Variants in PPM1F observed in about 807,000 individuals in gnomAD.
PPM1F encodes protein phosphatase 1F.
Under a neutral mutation model 35.5 loss-of-function variants are expected in PPM1F, and 17 were observed. The ratio of observed to expected loss-of-function variants is 0.48; its 90% confidence interval spans 0.33 to 0.72. The LOEUF (loss-of-function observed/expected upper bound fraction) is 0.72. Among genes scored for constraint, PPM1F ranks in the 30% least tolerant of loss-of-function variants. PPM1F has a pLI of 0.02. For missense variants in PPM1F, 521 were observed against 613.0 expected, an observed-to-expected ratio of 0.85 and a Z score of 1.59; for synonymous variants, 241 against 255.5, an observed-to-expected ratio of 0.94 and a Z score of 0.54.
At chr22:21,949,268 G>T (rs569918163) in intron 1 of PPM1F, 1 of 152,344 alleles carries the variant, frequency 6.6e-6, no homozygotes, top group African/African-American at 2.4e-5. Flanking sequence ...TACTTGCTGG[G>T]GACCAAGCAC....
At chr22:21,930,112 G>A (rs2070571468) in intron 6 of PPM1F, among the ~76,000 whole-genome samples, 1 of 152,246 alleles carries the variant, frequency 6.6e-6, no homozygotes, top group Non-Finnish European at 1.5e-5. Context: ...ATGATCTTCA[G>A]CTTTTGAAAA....
At position 21,927,088 on chromosome 22, in the gene PPM1F, G is replaced by T. The variant is rs891713718; in HGVS notation, c.892-1426C>A. On this transcript the variant is annotated intron_variant, in intron 6 of 7. Transcript: ENST00000263212. ...GTGCTCCTGTCCCAGCTGAGGTGGA[G>T]AATCAAGCCATGAAGGGGGCAGGAA... 8.5e-5 allele frequency among the ~76,000 whole-genome samples: 13 copies of T among 152,216 alleles called. No homozygotes were observed. In the East Asian group the frequency reaches 1.5e-3, roughly 18 times the overall value.
chr22:21,933,893 G>C, intron 4 of PPM1F, 131 bp downstream of exon 4: 1 of 907,532 alleles, frequency 1.1e-6, no homozygotes, highest in South Asian at 1.8e-5. Context: ...CTCTTGCTGG[G>C]CAAGTACAGG....
intron 1 of PPM1F, 67 bp from the exon 2 acceptor site, chr22:21,946,175 GCAAGCACCATGTGGCAGGTGCATGGCCT>G: frequency 1.4e-6 from 1 of 721,600 alleles, no homozygotes; most frequent in Non-Finnish European, 2.2e-6. Flanking sequence ...GTGCCCACCT[GCAAGCACCATGTGGCAGGTGCATGGCCT>G]CATGGTTCAG....
Position 21,922,942 on chromosome 22 carries a change from G to T in PPM1F, c.*150C>A. 1 of 961,070 alleles carries T rather than the reference G, an allele frequency of 1.0e-6. No individual in the cohort carries two copies. Among genetic ancestry groups the T allele is most frequent in the Admixed American group, 3.0e-5 (1 of 32,998 alleles). The allele number at this position is 961,070 out of a possible 1,614,324, so 59.5% of individuals were successfully genotyped here. On this transcript the variant is annotated 3_prime_UTR_variant, in exon 8 of 8. Transcript: ENST00000263212. ...TTCCACAGCCACCAGGACGGGCTGCGGGGGGTGTCCCGACTGGCTCTGGGG... is the reference window on the plus strand; with the variant it reads ...TTCCACAGCCACCAGGACGGGCTGCTGGGGGTGTCCCGACTGGCTCTGGGG...
Position 21,946,002 on chromosome 22 carries a change from G to T in PPM1F, c.47C>A (p.Ala16Asp). 6.3e-7 allele frequency: 1 copy of T among 1,599,498 alleles called. No individual in the cohort carries two copies. Among genetic ancestry groups the T allele is most frequent in the South Asian group, 1.1e-5 (1 of 89,252 alleles). The change falls in exon 2 of 8, where the codon GCT (alanine) becomes GAT (aspartate). Residue 16 changes from alanine (A) to aspartate (D), a missense_variant. This residue lies in a region of PPM1F where 311 missense variants were observed against 351.5 expected (regional missense o/e 0.88). Coordinates refer to ENST00000263212, the MANE Select transcript of PPM1F (RefSeq NM_014634.4). ...PQKSSPMASGAEETPGFLDTL... is the reference protein window; with the variant it reads ...PQKSSPMASGDEETPGFLDTL... The stretch of plus-strand genomic sequence containing the variant: ...GTCCAGGAAGCCTGGGGTCTCCTCA[G>T]CTCCACTGGCCATTGGGCTGCTCTT...
chr22:21,951,196 G>C (rs2070833048), intron 1 of PPM1F: 1 of 152,028 alleles, frequency 6.6e-6, no homozygotes, highest in African/African-American at 2.4e-5. Flanking sequence ...GCCCACGATG[G>C]CCCTTTGTGT....
At chr22:21,927,533 A>G (rs911010959) in intron 6 of PPM1F, among the ~76,000 whole-genome samples, 2 of 152,212 alleles carry the variant, frequency 1.3e-5, no homozygotes, top group Non-Finnish European at 2.9e-5. Flanking sequence ...ATGAACGGCA[A>G]TCTGCTTCCC....
Position 21,922,999 on chromosome 22 carries a change from T to C in PPM1F, c.*93A>G, listed in dbSNP as rs967393034. The C allele has an allele frequency of 9.5e-6, 14 of 1,473,840 alleles. No homozygotes were observed. In the African/African-American group the frequency reaches 1.8e-4, roughly 19 times the overall value. The allele number at this position is 1,473,840 out of a possible 1,614,324, so 91.3% of individuals were successfully genotyped here. A position where few individuals can be genotyped will look rare whatever the true frequency, so the allele number is the denominator to read the frequency against. ...GGAAAGCACTGTGGGGCGGGCACCC[T>C]GTCCACTGCCTGCCACCTGTTGGGT... On this transcript the variant is annotated 3_prime_UTR_variant, in exon 8 of 8. Coordinates refer to ENST00000263212, the MANE Select transcript of PPM1F (RefSeq NM_014634.4).
intron 6 of PPM1F, among the ~76,000 whole-genome samples, chr22:21,926,659 G>A (rs752128965): frequency 5.9e-5 from 9 of 152,150 alleles, no homozygotes; most frequent in South Asian, 2.1e-4. Flanking sequence ...ACAGAGTGAC[G>A]GAGGCACCCT....
chr22:21,926,687 C>T (rs986545700), intron 6 of PPM1F, among the ~76,000 whole-genome samples: 2 of 152,156 alleles, frequency 1.3e-5, no homozygotes, highest in Non-Finnish European at 2.9e-5. Context: ...AGGCACCTCC[C>T]AAGTCTACTG....
At chr22:21,945,739 T>C in intron 2 of PPM1F, 104 bp downstream of exon 2, 1 of 1,208,900 alleles carries the variant, frequency 8.3e-7, no homozygotes, top group South Asian at 1.4e-5. Flanking sequence ...GGGCTGCAGA[T>C]CCCCGTGTGG....
intron 6 of PPM1F, chr22:21,926,150 T>TTTTTA (rs2070512721): frequency 6.5e-6 from 1 of 152,870 alleles, no homozygotes; most frequent in Non-Finnish European, 1.4e-5. Context: ...TTTTTTTTTT[T>TTTTTA]GAGACAGAGT....
chr22:21,932,897 T>A (rs1030517141), intron 5 of PPM1F: 3 of 152,514 alleles, frequency 2.0e-5, no homozygotes, highest in African/African-American at 7.2e-5. Flanking sequence ...CCAGGCCAGC[T>A]GATTCCTCGA....
intron 3 of PPM1F, chr22:21,938,134 C>G: frequency 7.7e-7 from 1 of 1,301,962 alleles, no homozygotes; most frequent in Non-Finnish European, 1.0e-6. Flanking sequence ...CGCCCTCCCT[C>G]CTTCCCAGGC....
rs2070459299 is a variant in PPM1F at position 21,922,575 on chromosome 22, C to T, written c.*517G>A. ...CTGCTGCGCTCTCCTCTTTGGGACA[C>T]TGGTGTGGCCGACCAGGACTGGCTG... On this transcript the variant is annotated 3_prime_UTR_variant, in exon 8 of 8. Coordinates refer to ENST00000263212, the MANE Select transcript of PPM1F (RefSeq NM_014634.4). The T allele has an allele frequency of 6.5e-6, 1 of 153,434 alleles. No homozygotes were observed. Among genetic ancestry groups the T allele is most frequent in the African/African-American group, 2.4e-5 (1 of 41,458 alleles). 9.5% of individuals were successfully genotyped at this position (153,434 alleles called of 1,614,324 possible).
In PPM1F at chr22:21,920,904, T is replaced by TG. The variant is rs2070440231; in HGVS notation, c.*2187dup. Reference sequence around the variant, plus strand: ...GGGCAGGGTGGGCTAGTGGTGAGGGTGGAGCTGCGTCCCTGACCCCCAGAA... The same window carrying TG: ...GGGCAGGGTGGGCTAGTGGTGAGGGTGGGAGCTGCGTCCCTGACCCCCAGAA... On this transcript the variant is annotated 3_prime_UTR_variant, in exon 8 of 8. Transcript: ENST00000263212. 1 of 152,176 alleles carries TG rather than the reference T, an allele frequency of 6.6e-6. No homozygotes were observed. The highest frequency in any genetic ancestry group is 6.5e-5 in the Admixed American group (1 of 15,276). 9.4% of individuals were successfully genotyped at this position (152,176 alleles called of 1,614,324 possible). A position where few individuals can be genotyped will look rare whatever the true frequency, so the allele number is the denominator to read the frequency against.
In PPM1F at chr22:21,925,551, G is replaced by A. The variant is rs774920514; in HGVS notation, c.985+18C>T. On this transcript the variant is annotated intron_variant, in intron 7 of 7. Coordinates refer to ENST00000263212, the MANE Select transcript of PPM1F (RefSeq NM_014634.4). ...CGAGAGACCTTCTCCCACTTGGGTCGGCCTCTTTGGCTCTCACCGATGGCT... is the reference window on the plus strand; with the variant it reads ...CGAGAGACCTTCTCCCACTTGGGTCAGCCTCTTTGGCTCTCACCGATGGCT... The A allele has an allele frequency of 6.2e-6, 10 of 1,612,068 alleles. No homozygotes were observed. The highest frequency in any genetic ancestry group is 4.0e-5 in the African/African-American group (3 of 75,012).
At chr22:21,925,528 A>G in intron 7 of PPM1F, 41 bp downstream of exon 7, 1 of 1,589,716 alleles carries the variant, frequency 6.3e-7, no homozygotes, top group Non-Finnish European at 8.6e-7. Flanking sequence ...TGGGCTTCCG[A>G]GAGACCTTCT....
Sources: allele counts gnomAD v4.1 joint callset (sites outside exome capture counted in the v4.1 genomes callset), GRCh38; gene constraint gnomAD v4.1.1; regional missense constraint gnomAD v4.1.1; transcripts MANE v1.5; gene names NCBI Gene and HGNC (gene_info 2026-07-23, HGNC 2026-07-21).